Variants in GIGYF2 observed in about 807,000 individuals in gnomAD.
GIGYF2 encodes the protein GRB10-interacting GYF protein 2.
A neutral mutation model predicts 208.1 loss-of-function variants in GIGYF2; 25 were observed. The observed-to-expected ratio is 0.12, with a 90% CI of 0.09 to 0.17. The LOEUF (loss-of-function observed/expected upper bound fraction) is 0.17, where lower values mean the gene tolerates loss of function less well. Among genes scored for constraint, GIGYF2 ranks in the 10% least tolerant of loss-of-function variants. The pLI is 1.00. For synonymous variants in GIGYF2, 534 were observed against 543.8 expected (o/e 0.98, Z 0.25); for missense variants, 1,302 against 1,579.4 (o/e 0.82, Z 2.98).
At chr2:232,821,548 C>T (rs1214056453) in intron 21 of GIGYF2, among the ~76,000 whole-genome samples, 1 of 152,112 alleles carries the variant, frequency 6.6e-6, no homozygotes, top group Admixed American at 6.5e-5. Flanking sequence ...ATACTTTTAG[C>T]TCTTACTTTT....
intron 8 of GIGYF2, among the ~76,000 whole-genome samples, chr2:232,784,873 G>T (rs1699861865): frequency 6.6e-6 from 1 of 151,964 alleles, no homozygotes; most frequent in Non-Finnish European, 1.5e-5. Flanking sequence ...GGGTCATGAG[G>T]GTGGATCCCT....
At chr2:232,757,201 A>G (rs967433920) in intron 6 of GIGYF2, among the ~76,000 whole-genome samples, 3 of 151,622 alleles carry the variant, frequency 2.0e-5, no homozygotes, top group Admixed American at 6.6e-5. Context: ...AATGCATTCA[A>G]TTGTGCATTC....
chr2:232,768,813 C>A, intron 8 of GIGYF2: 1 of 1,600,448 alleles, frequency 6.2e-7, no homozygotes, highest in Non-Finnish European at 8.5e-7. Context: ...CACAAAAGCA[C>A]CTAAATAAGA....
At chr2:232,774,030 C>CTA (rs1280098361) in intron 8 of GIGYF2, among the ~76,000 whole-genome samples, 1 of 150,684 alleles carries the variant, frequency 6.6e-6, no homozygotes, top group Non-Finnish European at 1.5e-5. Context: ...GCCTGTAACA[C>CTA]TAGCACTTTG....
intron 3 of GIGYF2, among the ~76,000 whole-genome samples, chr2:232,740,014 A>C (rs1697911951): frequency 1.3e-5 from 2 of 150,572 alleles, no homozygotes; most frequent in Admixed American, 1.3e-4. Context: ...GCTACTGGGG[A>C]GGCTGAGGCA....
intron 2 of GIGYF2, among the ~76,000 whole-genome samples, chr2:232,713,025 G>A (rs1381061320): frequency 6.6e-6 from 1 of 151,902 alleles, no homozygotes; most frequent in Non-Finnish European, 1.5e-5. Flanking sequence ...CGCTTGAGAT[G>A]CTACTAGCTG....
intron 14 of GIGYF2, among the ~76,000 whole-genome samples, chr2:232,805,418 A>T (rs1476502846): frequency 2.0e-5 from 3 of 152,004 alleles, no homozygotes; most frequent in Non-Finnish European, 2.9e-5. Context: ...TGCATCTTCT[A>T]TGTGTATTGA....
In GIGYF2 at chr2:232,768,168, A is replaced by G. The variant is rs778392451; in HGVS notation, c.532+6732A>G. ...CTGCATAACTGGCTGGGTGTATTTA[A>G]TACATTAAAAAATGGATAAGTCTTA... On this transcript the variant is annotated intron_variant, in intron 8 of 28. Transcript: ENST00000373563. 10 of 1,612,748 alleles carry G rather than the reference A, an allele frequency of 6.2e-6. 1 individual carries two copies. In the South Asian group the frequency reaches 9.9e-5, roughly 16 times the overall value.
chr2:232,729,464 T>A (rs1468771536), intron 2 of GIGYF2: 1 of 550,446 alleles, frequency 1.8e-6, no homozygotes, highest in African/African-American at 2.4e-5. Flanking sequence ...TATTTTTAGG[T>A]TTTTTTTTTT....
rs757369723 is a variant in GIGYF2, at chr2:232,839,949, G to A, written c.2867G>A (p.Arg956Gln). The A allele has an allele frequency of 5.0e-6, 8 of 1,613,932 alleles. No individual in the cohort carries two copies. The highest frequency in any genetic ancestry group is 4.5e-5 in the East Asian group (2 of 44,884). The change falls in exon 23 of 29, where the codon CGA becomes CAA. Residue 956 changes from arginine (R) to glutamine (Q), a missense_variant. By Grantham distance (43) the Arg-to-Gln change is conservative. Transcript: ENST00000373563. ...LAEIQKLEEE[R>Q]ERQLREEQRR... ...GAAATCCAAAAACTAGAGGAAGAACGAGAACGGCAGCTTCGAGAAGAGGTA... is the reference window on the plus strand; with the variant it reads ...GAAATCCAAAAACTAGAGGAAGAACAAGAACGGCAGCTTCGAGAAGAGGTA...
At chr2:232,775,157 C>T (rs567980219) in intron 8 of GIGYF2, among the ~76,000 whole-genome samples, 3 of 152,012 alleles carry the variant, frequency 2.0e-5, no homozygotes, top group East Asian at 3.9e-4. Context: ...TTCTGATTCC[C>T]ACTTAACCAA....
chr2:232,840,138 T>G (rs1355248214), intron 23 of GIGYF2, among the ~76,000 whole-genome samples, 167 bp downstream of exon 23: 2 of 152,188 alleles, frequency 1.3e-5, no homozygotes. Context: ...CTAGCAAATG[T>G]GAAGGATCTC....
At chr2:232,717,956 C>T (rs1696764611) in intron 2 of GIGYF2, among the ~76,000 whole-genome samples, 1 of 152,090 alleles carries the variant, frequency 6.6e-6, no homozygotes, top group Non-Finnish European at 1.5e-5. Context: ...ATACCCAAAC[C>T]ATAGTACTCT....
At chr2:232,827,214 T>TTTTTTTTTTTTTTTTGAGACGG (rs1466147543) in intron 21 of GIGYF2, among the ~76,000 whole-genome samples, 1 of 152,144 alleles carries the variant, frequency 6.6e-6, no homozygotes, top group Admixed American at 6.5e-5. Flanking sequence ...CATTGTTTTT[T>TTTTTTTTTTTTTTTTGAGACGG]AAGACATAAT....
chr2:232,698,830 C>T (rs1695721355), intron 1 of GIGYF2, among the ~76,000 whole-genome samples: 1 of 152,192 alleles, frequency 6.6e-6, no homozygotes, highest in Admixed American at 6.5e-5. Flanking sequence ...GGCTTCATGA[C>T]TTTTTGGTAC....
chr2:232,811,490 A>T, intron 17 of GIGYF2, 139 bp downstream of exon 17: 1 of 665,972 alleles, frequency 1.5e-6, no homozygotes, highest in Non-Finnish European at 2.8e-6. Context: ...TATGTAAAAA[A>T]GTATATTTTA....
chr2:232,815,913 A>C (rs1221452964), intron 19 of GIGYF2, 176 bp downstream of exon 19: 16 of 597,714 alleles, frequency 2.7e-5, no homozygotes, highest in Non-Finnish European at 3.0e-5. Context: ...CAAAAAAAAA[A>C]AACTCAAAAC....
At chr2:232,726,137 A>C (rs1697190268) in intron 2 of GIGYF2, among the ~76,000 whole-genome samples, 2 of 152,204 alleles carry the variant, frequency 1.3e-5, no homozygotes, top group Non-Finnish European at 2.9e-5. Flanking sequence ...TGGGAAGCCA[A>C]GGCGGGTGGA....
intron 18 of GIGYF2, 66 bp downstream of exon 18, chr2:232,812,557 TC>T: frequency 1.4e-6 from 1 of 733,330 alleles, no homozygotes; most frequent in Non-Finnish European, 2.5e-6. Flanking sequence ...ATTTTACAAT[TC>T]AGTTCTTAAA....
Sources: allele counts gnomAD v4.1 joint callset (sites outside exome capture counted in the v4.1 genomes callset), GRCh38; gene constraint gnomAD v4.1.1; transcripts MANE v1.5; gene names NCBI Gene and HGNC (gene_info 2026-07-23, HGNC 2026-07-21).